Variants in DAB2IP observed in about 807,000 individuals in gnomAD.
DAB2IP encodes the protein DAB2 interacting protein.
A neutral mutation model predicts 107.2 loss-of-function variants in DAB2IP; 28 were observed. The ratio of observed to expected loss-of-function variants is 0.26; its 90% confidence interval spans 0.19 to 0.36. DAB2IP has a LOEUF of 0.36. DAB2IP is among the 10% of genes least tolerant of loss of function. The probability of loss-of-function intolerance (pLI) is 1.00; values close to 1 mark genes in which losing one functional copy is unlikely to be tolerated. For missense variants in DAB2IP, 1,400 were observed against 1,644.7 expected, an observed-to-expected ratio of 0.85 and a Z score of 2.57; for synonymous variants, 755 against 706.4, an observed-to-expected ratio of 1.07 and a Z score of -1.09.
chr9:121,705,735 G>A (rs576764649), intron 3 of DAB2IP, among the ~76,000 whole-genome samples: 4 of 152,144 alleles, frequency 2.6e-5, no homozygotes, highest in Admixed American at 1.3e-4. Context: ...TCTCACCTTC[G>A]GTTACCAGGC....
intron 1 of DAB2IP, among the ~76,000 whole-genome samples, chr9:121,660,006 G>T (rs1191736561): frequency 1.3e-5 from 2 of 151,960 alleles, no homozygotes; most frequent in East Asian, 3.9e-4. Context: ...CCGCCCTCGG[G>T]AGCTCAGAGG....
intron 3 of DAB2IP, among the ~76,000 whole-genome samples, chr9:121,745,000 C>G (rs1832624829): frequency 6.6e-6 from 1 of 152,158 alleles, no homozygotes; most frequent in African/African-American, 2.4e-5. Flanking sequence ...GCTTGGGAAG[C>G]TGGATTTTAA....
intron 4 of DAB2IP, among the ~76,000 whole-genome samples, chr9:121,758,248 A>C (rs1833633203): frequency 1.3e-5 from 2 of 152,138 alleles, no homozygotes; most frequent in Non-Finnish European, 2.9e-5. Context: ...CTGGCAGGAG[A>C]TGTCTAAGCT....
intron 1 of DAB2IP, among the ~76,000 whole-genome samples, chr9:121,586,314 G>A (rs750523872): frequency 3.2e-4 from 48 of 152,364 alleles, no homozygotes; most frequent in Non-Finnish European, 3.2e-4. Flanking sequence ...ATAACTGTGC[G>A]AAAATCACAG....
chr9:121,677,926 T>G (rs1186979981), intron 1 of DAB2IP, among the ~76,000 whole-genome samples: 5 of 152,174 alleles, frequency 3.3e-5, no homozygotes, highest in African/African-American at 1.2e-4. Context: ...CCTTCCAAAG[T>G]GCTGGGATCA....
rs560319219 is a variant in DAB2IP, at chr9:121,577,381, G to A, written c.40+10153G>A. On this transcript the variant is annotated intron_variant, in intron 1 of 16. Transcript: ENST00000259371. Reference sequence around the variant, plus strand: ...ACCCCAGGCTCGAAGCGTTCCAGCCGGTGACCTACATTCCCAGGGCGCCTC... The same window carrying A: ...ACCCCAGGCTCGAAGCGTTCCAGCCAGTGACCTACATTCCCAGGGCGCCTC... 7.9e-5 allele frequency among the ~76,000 whole-genome samples: 12 copies of A among 152,352 alleles called. No individual in the cohort carries two copies. The East Asian group carries it at 1.5e-3, about 20-fold the overall frequency.
intron 3 of DAB2IP, among the ~76,000 whole-genome samples, chr9:121,719,056 T>C (rs1159518372): frequency 6.6e-6 from 1 of 152,184 alleles, no homozygotes; most frequent in African/African-American, 2.4e-5. Context: ...CCCTCACTGG[T>C]AGAACAAAGC....
chr9:121,676,448 G>T (rs1833908509), intron 1 of DAB2IP, among the ~76,000 whole-genome samples: 1 of 152,138 alleles, frequency 6.6e-6, no homozygotes, highest in Non-Finnish European at 1.5e-5. Flanking sequence ...GTTTGTCTGG[G>T]CATTACCGTC....
At chr9:121,767,499 G>A (rs1355783956) in intron 9 of DAB2IP, among the ~76,000 whole-genome samples, 1 of 152,236 alleles carries the variant, frequency 6.6e-6, no homozygotes, top group Non-Finnish European at 1.5e-5. Context: ...TCAGGGTGAG[G>A]CGTTCATTGT....
At position 121,698,641 on chromosome 9, in the gene DAB2IP, AG is replaced by A. The variant is rs1346701002; in HGVS notation, c.229-680del. Among the ~76,000 whole-genome samples the A allele has an allele frequency of 6.6e-6, 1 of 151,840 alleles. No homozygotes were observed. Among genetic ancestry groups the A allele is most frequent in the East Asian group, 1.9e-4 (1 of 5,160 alleles). ...TGGGGTACATACAACGGTTCCGGGG[AG>A]GGGCCCCACCCTGACATCAAGCTAC... On this transcript the variant is annotated intron_variant, in intron 2 of 15. Transcript: ENST00000408936. The surrounding 1 kb of genome is among the most constrained non-coding windows in gnomAD (Gnocchi z 4.1).
intron 3 of DAB2IP, among the ~76,000 whole-genome samples, chr9:121,743,547 A>C (rs1160572196): frequency 6.6e-6 from 1 of 152,196 alleles, no homozygotes; most frequent in Non-Finnish European, 1.5e-5. Context: ...GAGTTGGAAC[A>C]TAGCCTTTGT....
At chr9:121,679,982 G>T (rs1459252934) in intron 2 of DAB2IP, among the ~76,000 whole-genome samples, 1 of 152,224 alleles carries the variant, frequency 6.6e-6, no homozygotes. Flanking sequence ...TCAGATATCA[G>T]CTCCTGACCA....
intron 3 of DAB2IP, among the ~76,000 whole-genome samples, chr9:121,738,499 C>T (rs1832091696): frequency 6.6e-6 from 1 of 152,158 alleles, no homozygotes; most frequent in South Asian, 2.1e-4. Flanking sequence ...TTTCCTCCTC[C>T]CTAGATCTGG....
At chr9:121,740,676 G>C (rs189072063) in intron 3 of DAB2IP, among the ~76,000 whole-genome samples, 5 of 152,314 alleles carry the variant, frequency 3.3e-5, no homozygotes, top group Non-Finnish European at 7.4e-5. Context: ...GTGCAGGGTT[G>C]GCATACACAG....
chr9:121,635,657 C>T lies in DAB2IP; in HGVS notation c.41-43021C>T, dbSNP rs987539114. 4.6e-5 allele frequency among the ~76,000 whole-genome samples: 7 copies of T among 152,194 alleles called. No homozygotes were observed. Among genetic ancestry groups the T allele is most frequent in the Admixed American group, 6.5e-5 (1 of 15,282 alleles). ...GCTGAGATGGGAGCGAGGCCTTGGA[C>T]AAGAAAGGATATCCAGAGCTAGAGA... On this transcript the variant is annotated intron_variant, in intron 1 of 16. Transcript: ENST00000259371. This position sits in a 1 kb window ranked among gnomAD's most constrained non-coding sequence, Gnocchi z 4.3.
At chr9:121,616,021 A>T (rs943331379) in intron 1 of DAB2IP, among the ~76,000 whole-genome samples, 1 of 152,206 alleles carries the variant, frequency 6.6e-6, no homozygotes, top group Non-Finnish European at 1.5e-5. Context: ...CATGTGTAAC[A>T]GGAGCCTTGG....
chr9:121,768,677 C>G (rs1023760427), intron 10 of DAB2IP, 44 bp downstream of exon 10: 2 of 1,606,838 alleles, frequency 1.2e-6, no homozygotes, highest in African/African-American at 1.3e-5. Context: ...AAGCTGCCAT[C>G]AGGCTTTTAG....
intron 1 of DAB2IP, among the ~76,000 whole-genome samples, chr9:121,666,442 C>T (rs1833428561): frequency 6.6e-6 from 1 of 152,210 alleles, no homozygotes; most frequent in Non-Finnish European, 1.5e-5. Context: ...AACACCTCTC[C>T]TCCCTGTCCC....
upstream of DAB2IP, among the ~76,000 whole-genome samples, chr9:121,648,639 G>A (rs572580776): frequency 1.1e-4 from 17 of 152,306 alleles, no homozygotes; most frequent in East Asian, 1.2e-3. Context: ...TGAATTGAGC[G>A]TCTTGAGGGA....
Sources: gnomAD v4.1 joint callset for allele counts (sites outside exome capture counted in the v4.1 genomes callset) on GRCh38, gnomAD v4.1.1 for gene constraint, Gnocchi (gnomAD v3.1) non-coding constraint, MANE v1.5 for transcripts, NCBI Gene and HGNC (gene_info 2026-07-23, HGNC 2026-07-21) for gene names.